Variants in ATRNL1 observed in about 807,000 individuals in gnomAD.
The protein encoded by ATRNL1 is attractin-like protein 1.
Under a neutral mutation model 182.7 loss-of-function variants are expected in ATRNL1, and 95 were observed. The ratio of observed to expected loss-of-function variants is 0.52; its 90% CI spans 0.44 to 0.62. The LOEUF (loss-of-function observed/expected upper bound fraction) is 0.62, where lower values mean the gene tolerates loss of function less well. ATRNL1 is among the 20% of genes least tolerant of loss of function. The probability of loss-of-function intolerance (pLI) is 0.00; values close to 1 mark genes in which losing one functional copy is unlikely to be tolerated. For missense variants in ATRNL1, 1,471 were observed against 1,679.5 expected (o/e 0.88, Z 2.17); for synonymous variants, 576 against 568.3 (o/e 1.01, Z -0.19).
At chr10:115,727,473 T>C (rs1593131051) in intron 27 of ATRNL1, 118 bp downstream of exon 27, 1 of 748,084 alleles carries the variant, frequency 1.3e-6, no homozygotes, top group Non-Finnish European at 2.2e-6. Context: ...GTTGACAAGA[T>C]TCAGCTACAT....
At chr10:115,592,241 G>T (rs1855951326) in intron 26 of ATRNL1, among the ~76,000 whole-genome samples, 1 of 152,066 alleles carries the variant, frequency 6.6e-6, no homozygotes. Flanking sequence ...TGGATGATGG[G>T]ATCAGTATAC....
chr10:115,782,635 T>G (rs1949292909), intron 27 of ATRNL1, among the ~76,000 whole-genome samples: 1 of 152,194 alleles, frequency 6.6e-6, no homozygotes, highest in Non-Finnish European at 1.5e-5. Flanking sequence ...AAGTTGAAAC[T>G]GGGAGTCTGT....
At chr10:115,333,981 T>C (rs938792527) in intron 18 of ATRNL1, among the ~76,000 whole-genome samples, 1 of 152,166 alleles carries the variant, frequency 6.6e-6, no homozygotes, top group Admixed American at 6.5e-5. Flanking sequence ...ACCATTCTTA[T>C]GAATTTTTAA....
At chr10:115,096,411 T>C (rs546811291) in intron 1 of ATRNL1, among the ~76,000 whole-genome samples, 12 of 152,320 alleles carry the variant, frequency 7.9e-5, no homozygotes, top group African/African-American at 2.9e-4. Context: ...AATAAACCTA[T>C]GAAAGGTTTA....
chr10:115,563,852 G>A lies in ATRNL1; in HGVS notation c.3795+14316G>A, dbSNP rs1238565438. Reference sequence around the variant, plus strand: ...AGATATTGTGCATACTCCATCACTAGCAGTGGTTCACTATAACAGTGATTC... The same window carrying A: ...AGATATTGTGCATACTCCATCACTAACAGTGGTTCACTATAACAGTGATTC... On this transcript the variant is annotated intron_variant, in intron 26 of 28. Coordinates refer to ENST00000355044, the MANE Select transcript of ATRNL1 (RefSeq NM_207303.4). Among the ~76,000 whole-genome samples, 4 of 152,114 alleles carry A rather than the reference G, an allele frequency of 2.6e-5. No homozygotes were observed. The East Asian group carries it at 7.7e-4, about 29-fold the overall frequency.
chr10:115,321,995 G>A (rs1364065892), intron 18 of ATRNL1, among the ~76,000 whole-genome samples: 1 of 151,908 alleles, frequency 6.6e-6, no homozygotes, highest in African/African-American at 2.4e-5. Context: ...AGGAAATCAA[G>A]AAGGTAATAC....
intron 27 of ATRNL1, among the ~76,000 whole-genome samples, chr10:115,842,725 G>A (rs1351162738): frequency 1.3e-5 from 2 of 152,056 alleles, no homozygotes; most frequent in Non-Finnish European, 2.9e-5. Context: ...TTCTTAAGCT[G>A]TATGTTTTAG....
At chr10:115,159,998 CT>C (rs1747241857) in intron 5 of ATRNL1, 41 bp from the exon 6 acceptor site, 1 of 1,408,746 alleles carries the variant, frequency 7.1e-7, no homozygotes, top group Non-Finnish European at 9.5e-7. Flanking sequence ...AATCTGAGGG[CT>C]TTGTTTAATC....
chr10:115,116,211 T>G (rs1027371001), intron 1 of ATRNL1, among the ~76,000 whole-genome samples: 1 of 152,070 alleles, frequency 6.6e-6, no homozygotes, highest in Admixed American at 6.6e-5. Flanking sequence ...GCTAGTAGTT[T>G]ATGTAGTACT....
intron 17 of ATRNL1, among the ~76,000 whole-genome samples, chr10:115,313,361 A>G (rs1854131937): frequency 6.6e-6 from 1 of 151,900 alleles, no homozygotes; most frequent in Non-Finnish European, 1.5e-5. Flanking sequence ...ATTTTAATCT[A>G]ATTTGGCTCT....
rs541514029 is a variant in ATRNL1, at chr10:115,340,667, T to C, written c.3175+6248T>C. Among the ~76,000 whole-genome samples the C allele has an allele frequency of 5.3e-5, 8 of 151,984 alleles. No individual in the cohort carries two copies. In the South Asian group the frequency reaches 1.7e-3, roughly 32 times the overall value. ...GAAGCCATCAGACCCCAGGCTTTTCTTTATTGGGAAACTTTTTATTATACC... is the reference window on the plus strand; with the variant it reads ...GAAGCCATCAGACCCCAGGCTTTTCCTTATTGGGAAACTTTTTATTATACC... On this transcript the variant is annotated intron_variant, in intron 19 of 28. Coordinates refer to ENST00000355044, the MANE Select transcript of ATRNL1 (RefSeq NM_207303.4).
At position 115,673,790 on chromosome 10, in the gene ATRNL1, C is replaced by G. The variant is rs1306809877; in HGVS notation, c.3796-53458C>G. Among the ~76,000 whole-genome samples the G allele has an allele frequency of 2.0e-5, 3 of 152,150 alleles. No homozygotes were observed. The East Asian group carries it at 5.8e-4, about 29-fold the overall frequency. On this transcript the variant is annotated intron_variant, in intron 26 of 28. Transcript: ENST00000355044. Reference sequence around the variant, plus strand: ...TCTTTTTGAATGTGGACTGACCTTACCAACTCATTTATAACCATTGGAATG... The same window carrying G: ...TCTTTTTGAATGTGGACTGACCTTAGCAACTCATTTATAACCATTGGAATG...
rs574437666 is a variant in ATRNL1 at position 115,500,796 on chromosome 10, G to A, written c.3655-18467G>A. The stretch of plus-strand genomic sequence containing the variant: ...CCTCAGGTGATCCGCCTGCCTCGGC[G>A]TCCCAGAGAGCTGGGATTACAGGTG... On this transcript the variant is annotated intron_variant, in intron 24 of 28. Transcript: ENST00000355044. Among the ~76,000 whole-genome samples the A allele has an allele frequency of 1.2e-4, 18 of 151,472 alleles. No homozygotes were observed. The East Asian group carries it at 1.6e-3, about 13-fold the overall frequency.
intron 20 of ATRNL1, among the ~76,000 whole-genome samples, chr10:115,398,607 C>T (rs571477465): frequency 9.9e-5 from 15 of 151,972 alleles, no homozygotes; most frequent in East Asian, 1.9e-4. Context: ...GCTTTTGGGC[C>T]GAGACTATGG....
chr10:115,345,105 C>T (rs782018239), intron 19 of ATRNL1, among the ~76,000 whole-genome samples: 19 of 152,270 alleles, frequency 1.2e-4, no homozygotes, highest in Non-Finnish European at 2.8e-4. Context: ...GTCACCCCCT[C>T]TGCTGTCCCA....
intron 9 of ATRNL1, among the ~76,000 whole-genome samples, chr10:115,234,336 A>C (rs1298776567): frequency 6.6e-6 from 1 of 151,972 alleles, no homozygotes; most frequent in African/African-American, 2.4e-5. Context: ...AATTATTTTT[A>C]ATACTGCATT....
chr10:115,544,009 G>T (rs1035767272), intron 25 of ATRNL1, among the ~76,000 whole-genome samples: 2 of 150,828 alleles, frequency 1.3e-5, no homozygotes, highest in Non-Finnish European at 1.5e-5. Flanking sequence ...ATTTTTTTTT[G>T]AAAAAGAAAG....
At chr10:115,368,261 A>T (rs569605463) in intron 19 of ATRNL1, among the ~76,000 whole-genome samples, 1 of 152,178 alleles carries the variant, frequency 6.6e-6, no homozygotes, top group African/African-American at 2.4e-5. Flanking sequence ...GAAAAGCGCA[A>T]TATTCGGGTG....
chr10:115,292,178 G>A (rs550600411), intron 15 of ATRNL1, among the ~76,000 whole-genome samples: 7 of 151,846 alleles, frequency 4.6e-5, no homozygotes, highest in African/African-American at 1.7e-4. Flanking sequence ...GACCCTTTAT[G>A]TTTCTGTGTT....
Sources: allele counts gnomAD v4.1 joint callset (sites outside exome capture counted in the v4.1 genomes callset), GRCh38; gene constraint gnomAD v4.1.1; transcripts MANE v1.5; gene names NCBI Gene and HGNC (gene_info 2026-07-23, HGNC 2026-07-21).